Variants in TJP1 observed in about 807,000 individuals in gnomAD.
The protein encoded by TJP1 is tight junction protein 1.
TJP1 carries 43 observed loss-of-function variants against 194.2 expected under a neutral mutation model. The ratio of observed to expected loss-of-function variants is 0.22; its 90% CI spans 0.17 to 0.29. TJP1 has a LOEUF of 0.29. Among genes scored for constraint, TJP1 ranks in the 10% least tolerant of loss-of-function variants. The pLI is 1.00. For missense variants in TJP1, 1,971 were observed against 2,185.7 expected (o/e 0.90, Z 1.96); for synonymous variants, 801 against 779.0 (o/e 1.03, Z -0.47).
upstream of TJP1, among the ~76,000 whole-genome samples, chr15:29,826,321 C>G (rs11634700): frequency 0.082 from 12,457 of 152,068 alleles, 556 homozygotes; most frequent in African/African-American, 0.093. Context: ...CCAGGCAGGT[C>G]GGAAGCTCCA....
chr15:29,924,160 A>G, intron 2 of TJP1, among the ~76,000 whole-genome samples: 1 of 152,126 alleles, frequency 6.6e-6, no homozygotes. Flanking sequence ...TTCAGCCTCA[A>G]CCTCTCTGGG....
At chr15:29,849,897 A>G (rs1346687682) in intron 2 of TJP1, among the ~76,000 whole-genome samples, 1 of 152,004 alleles carries the variant, frequency 6.6e-6, no homozygotes, top group African/African-American at 2.4e-5. Flanking sequence ...CTTCTAACAA[A>G]CAGAATAAGG....
At chr15:29,815,800 G>C (rs1272385436) in intron 1 of TJP1, among the ~76,000 whole-genome samples, 2 of 152,186 alleles carry the variant, frequency 1.3e-5, no homozygotes, top group Non-Finnish European at 1.5e-5. Context: ...TCTTAGAACT[G>C]TACAGAGTTT....
Position 29,822,374 on chromosome 15 carries a change from G to A in TJP1, c.-346C>T. On this transcript the variant is annotated 5_prime_UTR_variant, in exon 1 of 28. Coordinates refer to ENST00000614355, the MANE Select transcript of TJP1 (RefSeq NM_001330239.4). ...CCCGTGGCCTCCCGGCGTCTCCTCGGAAGCCGGCTTCGCCACGTAACTTCC... is the reference window on the plus strand; with the variant it reads ...CCCGTGGCCTCCCGGCGTCTCCTCGAAAGCCGGCTTCGCCACGTAACTTCC... 7 of 1,025,602 alleles carry A rather than the reference G, an allele frequency of 6.8e-6. No homozygotes were observed. Among genetic ancestry groups the A allele is most frequent in the Non-Finnish European group, 8.2e-6 (7 of 856,050 alleles). The allele number at this position is 1,025,602 out of a possible 1,614,324, so 63.5% of individuals were successfully genotyped here. A position where few individuals can be genotyped will look rare whatever the true frequency, so the allele number is the denominator to read the frequency against.
At position 29,760,088 on chromosome 15, in the gene TJP1, G is replaced by A. The variant is rs45610140; in HGVS notation, c.1010+1051C>T. On this transcript the variant is annotated intron_variant, in intron 8 of 27. Transcript: ENST00000614355. Reference sequence around the variant, plus strand: ...TATCAATTACATTCTCATCAACAACGTATAAGGGTTCCCTTTTCTTCTAAA... The same window carrying A: ...TATCAATTACATTCTCATCAACAACATATAAGGGTTCCCTTTTCTTCTAAA... 5,735 of 600,554 alleles carry A rather than the reference G, an allele frequency of 9.5e-3. 193 individuals are homozygous for A. The highest frequency in any genetic ancestry group is 0.085 in the East Asian group (2,968 of 35,058). The allele number at this position is 600,554 out of a possible 1,614,324, so 37.2% of individuals were successfully genotyped here.
intron 2 of TJP1, among the ~76,000 whole-genome samples, chr15:29,897,310 T>C (rs1221241867): frequency 1.3e-5 from 2 of 152,198 alleles, no homozygotes; most frequent in African/African-American, 2.4e-5. Flanking sequence ...CGATGTGGTG[T>C]TGAGCCTGCA....
In TJP1 at chr15:29,700,322, G is replaced by C; in HGVS notation, c.*1273C>G. The C allele has an allele frequency of 2.5e-6, 1 of 398,668 alleles. No individual in the cohort carries two copies. Among genetic ancestry groups the C allele is most frequent in the Non-Finnish European group, 4.4e-6 (1 of 226,000 alleles). The allele number at this position is 398,668 out of a possible 1,614,324, so 24.7% of individuals were successfully genotyped here. A position where few individuals can be genotyped will look rare whatever the true frequency, so the allele number is the denominator to read the frequency against. On this transcript the variant is annotated 3_prime_UTR_variant, in exon 28 of 28. Coordinates refer to ENST00000614355, the MANE Select transcript of TJP1 (RefSeq NM_001330239.4). ...TCTATTAGTAAAAAAATACACTTTAGGGCACAGCATTGTATCACAAATTAC... is the reference window on the plus strand; with the variant it reads ...TCTATTAGTAAAAAAATACACTTTACGGCACAGCATTGTATCACAAATTAC...
intron 8 of TJP1, among the ~76,000 whole-genome samples, chr15:29,757,193 A>C (rs912905916): frequency 2.6e-5 from 4 of 152,320 alleles, no homozygotes; most frequent in Admixed American, 2.0e-4. Context: ...CACTTCTCAC[A>C]AAATGAAGAT....
rs71103416 is a variant in TJP1, at chr15:29,912,695, C to CAAAAAAA, written c.306+43530_306+43536dup. Among the ~76,000 whole-genome samples, 63 of 64,956 alleles carry CAAAAAAA rather than the reference C, an allele frequency of 9.7e-4. 1 individual carries two copies. Among genetic ancestry groups the CAAAAAAA allele is most frequent in the African/African-American group, 3.8e-3 (44 of 11,452 alleles). 42.6% of individuals were successfully genotyped at this position (64,956 alleles called of 152,430 possible). On this transcript the variant is annotated intron_variant, in intron 2 of 28. Coordinates refer to the TJP1 transcript ENST00000356107. ...TGGGAGACAGAGCAAGACTCTGTCT[C>CAAAAAAA]AAAAAAAAAAAAAAAAAAAAAAAAA...
chr15:29,786,097 T>A (rs75337949), intron 2 of TJP1, among the ~76,000 whole-genome samples: 3,502 of 152,342 alleles, frequency 0.023, 45 homozygotes, highest in South Asian at 0.053. Context: ...GCAGATTTTC[T>A]ACCAACTTGG....
chr15:29,949,598 ACCACCTCCACCTTCACCACCACCACCT>A (rs1567225551), intron 2 of TJP1, among the ~76,000 whole-genome samples: 2 of 83,254 alleles, frequency 2.4e-5, no homozygotes, highest in Non-Finnish European at 5.0e-5. Context: ...CTCCACAACC[ACCACCTCCACCTTCACCACCACCACCT>A]CCACCTCCAC....
At chr15:29,820,500 A>G (rs2050256626) in intron 1 of TJP1, 3 of 716,550 alleles carry the variant, frequency 4.2e-6, no homozygotes, top group South Asian at 1.5e-5. Flanking sequence ...TCTCAATACT[A>G]TAATTCAGGA....
chr15:29,790,039 C>T (rs536538126), intron 2 of TJP1, among the ~76,000 whole-genome samples: 2 of 152,318 alleles, frequency 1.3e-5, no homozygotes, highest in Admixed American at 1.3e-4. Context: ...AGAGCCACTG[C>T]TCTAATCAGC....
chr15:29,748,651 C>A (rs866327767), intron 8 of TJP1, among the ~76,000 whole-genome samples: 1 of 146,546 alleles, frequency 6.8e-6, no homozygotes, highest in South Asian at 2.2e-4. Context: ...TACTTCACTG[C>A]AGCCTCAACC....
At chr15:29,850,522 A>G (rs1192487627) in intron 2 of TJP1, among the ~76,000 whole-genome samples, 5 of 151,762 alleles carry the variant, frequency 3.3e-5, no homozygotes, top group African/African-American at 9.7e-5. Context: ...TTTTTAGTAG[A>G]GACAGGGTTT....
At chr15:29,807,834 G>GA (rs1231986071) in intron 1 of TJP1, among the ~76,000 whole-genome samples, 1 of 151,880 alleles carries the variant, frequency 6.6e-6, no homozygotes, top group African/African-American at 2.4e-5. Context: ...ACCAATTTTG[G>GA]AAAAAATATT....
At chr15:29,881,915 A>G (rs1166989613) in intron 2 of TJP1, among the ~76,000 whole-genome samples, 1 of 151,834 alleles carries the variant, frequency 6.6e-6, no homozygotes, top group Non-Finnish European at 1.5e-5. Flanking sequence ...AGTCTGACAG[A>G]TATAGCTAAG....
chr15:29,720,198 C>T (rs1465795815), intron 19 of TJP1, 160 bp downstream of exon 19: 2 of 1,121,152 alleles, frequency 1.8e-6, no homozygotes, highest in Non-Finnish European at 2.5e-6. Flanking sequence ...AAGACAAACA[C>T]ACAAAATTTA....
chr15:29,949,608 C>CCACCACCACCTCCACAACCACCACCTCCA (rs2055525829), intron 2 of TJP1, among the ~76,000 whole-genome samples: 4 of 82,572 alleles, frequency 4.8e-5, no homozygotes, highest in African/African-American at 1.3e-4. Flanking sequence ...ACCACCTCCA[C>CCACCACCACCTCCACAACCACCACCTCCA]CTTCACCACC....
Sources: allele counts gnomAD v4.1 joint callset (sites outside exome capture counted in the v4.1 genomes callset), GRCh38; gene constraint gnomAD v4.1.1; transcripts MANE v1.5; gene names NCBI Gene and HGNC (gene_info 2026-07-23, HGNC 2026-07-21).